RARB: variants seen among roughly 807,000 people sequenced by gnomAD.
The protein encoded by RARB is retinoic acid receptor beta.
RARB carries 17 observed loss-of-function variants against 51.9 expected under a neutral mutation model. That is an observed-to-expected ratio of 0.33 (90% confidence interval 0.22 to 0.49). The LOEUF is 0.49. Among genes scored for constraint, RARB ranks in the 20% least tolerant of loss-of-function variants. The pLI is 0.99. For missense variants in RARB, 369 were observed against 550.8 expected (o/e 0.67, Z 3.30); for synonymous variants, 215 against 195.4 (o/e 1.10, Z -0.84).
At chr3:24,875,930 T>A (rs1703035218) in intron 2 of RARB, among the ~76,000 whole-genome samples, 2 of 152,138 alleles carry the variant, frequency 1.3e-5, no homozygotes, top group South Asian at 2.1e-4. Flanking sequence ...TTCACACTTT[T>A]GAAAAGTAAT....
At chr3:25,189,423 C>A (rs1701047338) in intron 5 of RARB, among the ~76,000 whole-genome samples, 1 of 152,142 alleles carries the variant, frequency 6.6e-6, no homozygotes, top group Non-Finnish European at 1.5e-5. Context: ...TTGACAAGGA[C>A]CTGAGGAGCC....
intron 5 of RARB, among the ~76,000 whole-genome samples, chr3:25,178,433 C>T (rs1449908975): frequency 2.6e-5 from 4 of 152,072 alleles, no homozygotes; most frequent in Non-Finnish European, 4.4e-5. Flanking sequence ...CATTCCATTA[C>T]AGAAGTTCCA....
At chr3:25,231,879 G>T (rs1484519661) in intron 5 of RARB, among the ~76,000 whole-genome samples, 2 of 151,908 alleles carry the variant, frequency 1.3e-5, no homozygotes, top group Non-Finnish European at 2.9e-5. Flanking sequence ...CATTCTCTTA[G>T]TGTTTTTTAC....
chr3:25,500,747 G>A (rs1260362981), intron 2 of RARB, among the ~76,000 whole-genome samples: 1 of 152,032 alleles, frequency 6.6e-6, no homozygotes. Flanking sequence ...CCAAAGTGCT[G>A]GGATTACAGG....
At chr3:24,915,386 A>G (rs1575069747) in intron 2 of RARB, among the ~76,000 whole-genome samples, 1 of 152,192 alleles carries the variant, frequency 6.6e-6, no homozygotes, top group Non-Finnish European at 1.5e-5. Context: ...CAATTTTTGT[A>G]TTACATCTTT....
intron 5 of RARB, among the ~76,000 whole-genome samples, chr3:25,304,503 G>C (rs1007504225): frequency 6.6e-6 from 1 of 151,966 alleles, no homozygotes; most frequent in African/African-American, 2.4e-5. Context: ...TTTTTCATCG[G>C]CCTTGATCAA....
chr3:24,997,032 C>G (rs1697055067), intron 2 of RARB, among the ~76,000 whole-genome samples: 1 of 152,054 alleles, frequency 6.6e-6, no homozygotes. Context: ...TCTACACGAT[C>G]CGTCGAATAT....
At chr3:25,254,331 A>G (rs370134934) in intron 5 of RARB, among the ~76,000 whole-genome samples, 7 of 152,184 alleles carry the variant, frequency 4.6e-5, no homozygotes, top group African/African-American at 1.7e-4. Context: ...TTACTTCTCT[A>G]CATAGGTAGC....
At chr3:25,136,432 C>G (rs1201940598) in intron 4 of RARB, among the ~76,000 whole-genome samples, 1 of 151,894 alleles carries the variant, frequency 6.6e-6, no homozygotes, top group Non-Finnish European at 1.5e-5. Context: ...ACTGTGAAAA[C>G]TTTGCTTGGT....
intron 2 of RARB, among the ~76,000 whole-genome samples, chr3:25,487,616 T>A (rs1696535428): frequency 6.6e-6 from 1 of 152,044 alleles, no homozygotes; most frequent in African/African-American, 2.4e-5. Flanking sequence ...CGGATAAAAA[T>A]TAAAAATTAA....
chr3:25,362,746 C>T (rs552593708), intron 5 of RARB, among the ~76,000 whole-genome samples: 11 of 152,288 alleles, frequency 7.2e-5, no homozygotes, highest in African/African-American at 2.2e-4. Flanking sequence ...ACTCCTTGTG[C>T]TTCCTGGGTG....
chr3:25,273,110 A>G lies in RARB; in HGVS notation c.178+98535A>G, dbSNP rs116384249. Among the ~76,000 whole-genome samples the G allele has an allele frequency of 4.6e-3, 700 of 152,246 alleles. 7 individuals are homozygous for G. Among genetic ancestry groups the G allele is most frequent in the African/African-American group, 0.016 (652 of 41,550 alleles). On this transcript the variant is annotated intron_variant, in intron 5 of 11. Coordinates refer to the RARB transcript ENST00000383772. ...ACACAAATAGCCCCAAGCTTCCTCA[A>G]TGTATTGGGGGAACAGGATGACAAA...
At chr3:25,291,476 C>CTTTTTTTTTTT (rs199605013) in intron 5 of RARB, among the ~76,000 whole-genome samples, 2 of 125,378 alleles carry the variant, frequency 1.6e-5, no homozygotes, top group Non-Finnish European at 3.3e-5. Flanking sequence ...CAGATGTTTG[C>CTTTTTTTTTTT]TTTTTTTTTT....
chr3:25,241,323 T>C (rs1702425365), intron 5 of RARB, among the ~76,000 whole-genome samples: 2 of 152,346 alleles, frequency 1.3e-5, no homozygotes, highest in South Asian at 4.1e-4. Context: ...ATGTCTTTTT[T>C]TAAATTATAC....
At chr3:25,189,280 A>G (rs542847715) in intron 5 of RARB, among the ~76,000 whole-genome samples, 1 of 152,298 alleles carries the variant, frequency 6.6e-6, no homozygotes, top group African/African-American at 2.4e-5. Context: ...AGTTTAATCC[A>G]AAAATAAATA....
intron 2 of RARB, chr3:25,025,059 G>A (rs1306662173): frequency 1.3e-5 from 2 of 151,676 alleles, no homozygotes; most frequent in African/African-American, 4.8e-5. Context: ...CAGAAGTTAA[G>A]CAGGATTGGG....
intron 2 of RARB, among the ~76,000 whole-genome samples, chr3:24,919,966 C>A (rs1378137813): frequency 6.6e-6 from 1 of 152,158 alleles, no homozygotes; most frequent in African/African-American, 2.4e-5. Flanking sequence ...TTAACATGTT[C>A]ATTTTGTAAT....
intron 5 of RARB, among the ~76,000 whole-genome samples, chr3:25,205,396 G>A (rs983537793): frequency 3.3e-5 from 5 of 152,234 alleles, no homozygotes; most frequent in Non-Finnish European, 7.4e-5. Context: ...GCCTCACCCT[G>A]CTTTGGCTCA....
intron 2 of RARB, among the ~76,000 whole-genome samples, chr3:25,006,622 G>A (rs1023243423): frequency 6.6e-6 from 1 of 152,120 alleles, no homozygotes; most frequent in Non-Finnish European, 1.5e-5. Context: ...AGGCAAACAA[G>A]TAATCATAAA....
Sources: allele counts gnomAD v4.1 joint callset (sites outside exome capture counted in the v4.1 genomes callset), GRCh38; gene constraint gnomAD v4.1.1; transcripts MANE v1.5; gene names NCBI Gene and HGNC (gene_info 2026-07-23, HGNC 2026-07-21).